The following MSANTD2 variants were observed in gnomAD, a reference collection of about 807,000 sequenced individuals.
The protein encoded by MSANTD2 is Myb/SANT DNA binding domain containing 2, also known as myb/SANT-like DNA-binding domain-containing protein 2.
MSANTD2 carries 19 observed loss-of-function variants against 52.6 expected under a neutral mutation model. The observed-to-expected ratio is 0.36, with a 90% CI of 0.25 to 0.53. The LOEUF is 0.53. MSANTD2 is among the 20% of genes least tolerant of loss of function. MSANTD2 has a pLI of 0.91. For missense variants in MSANTD2, 558 were observed against 716.3 expected (o/e 0.78, Z 2.52); for synonymous variants, 291 against 289.7 (o/e 1.00, Z -0.04).
Position 124,767,760 on chromosome 11 carries a change from T to G in MSANTD2, c.1096A>C (p.Met366Leu). 1 of 1,614,248 alleles carries G rather than the reference T, an allele frequency of 6.2e-7. No homozygotes were observed. The highest frequency in any genetic ancestry group is 8.5e-7 in the Non-Finnish European group (1 of 1,180,042). Reference sequence around the variant, plus strand: ...TTGTAGTAAACATTTTTCCAGTTCATTTTCTGCACTCGGGTCATAATGATC... The same window carrying G: ...TTGTAGTAAACATTTTTCCAGTTCAGTTTCTGCACTCGGGTCATAATGATC... The part of the protein sequence containing the change: ...GRIIMTRVQK[M>L]NWKNVYYKFL... The change falls in exon 4 of 4, where the codon ATG (methionine) becomes CTG (leucine). Residue 366 changes from methionine to leucine, a missense_variant. Met to Leu is a conservative substitution (Grantham distance 15, BLOSUM62 2). Transcript: ENST00000374979. This position sits in a 1 kb window ranked among gnomAD's most constrained non-coding sequence, Gnocchi z 6.5.
At position 124,772,723 on chromosome 11, in the gene MSANTD2, C is replaced by A. The variant is rs996185748; in HGVS notation, c.827+271G>T. ...CTGCACACCAGCCTGGGTGACAGAG[C>A]GAGAGCGAGATTCCGTCTCAAAAAA... On this transcript the variant is annotated intron_variant, in intron 3 of 3. Transcript: ENST00000374979. Among the ~76,000 whole-genome samples the A allele has an allele frequency of 6.8e-5, 8 of 118,282 alleles. No individual in the cohort carries two copies. In the Admixed American group the frequency reaches 1.0e-3, roughly 15 times the overall value. The allele number at this position is 118,282 out of a possible 152,430, so 77.6% of individuals were successfully genotyped here.
At chr11:124,778,215 C>T (rs1321319708) in intron 1 of MSANTD2, among the ~76,000 whole-genome samples, 1 of 152,170 alleles carries the variant, frequency 6.6e-6, no homozygotes, top group Non-Finnish European at 1.5e-5. Flanking sequence ...CCAACAAGAA[C>T]CTCAATTTGG....
intron 1 of MSANTD2, among the ~76,000 whole-genome samples, chr11:124,797,667 G>C (rs1591481508): frequency 6.6e-6 from 1 of 152,252 alleles, no homozygotes; most frequent in East Asian, 1.9e-4. Context: ...ATCACATAAA[G>C]AGTAGAGCAC....
chr11:124,773,468 G>A (rs773636508), intron 2 of MSANTD2: 2 of 163,024 alleles, frequency 1.2e-5, no homozygotes, highest in Non-Finnish European at 2.6e-5. Context: ...AAAGGTTTGA[G>A]TGACTTAACT....
intron 1 of MSANTD2, among the ~76,000 whole-genome samples, chr11:124,795,784 T>A (rs916764493): frequency 6.6e-6 from 1 of 152,160 alleles, no homozygotes; most frequent in Non-Finnish European, 1.5e-5. Flanking sequence ...TGACTGGAGA[T>A]ATGAAAAGGC....
In MSANTD2 at chr11:124,799,345, A is replaced by C. The variant is rs188953904; in HGVS notation, c.510+526T>G. 2.0e-3 allele frequency among the ~76,000 whole-genome samples: 301 copies of C among 152,338 alleles called. 2 individuals are homozygous for C. The highest frequency in any genetic ancestry group is 6.8e-3 in the Middle Eastern group (2 of 294). On this transcript the variant is annotated intron_variant, in intron 1 of 3. Transcript: ENST00000374979. ...AGTCTTACTCGTCCTTCGTAGCTCA[A>C]GATAGAAGCAAAGCGACTGACACAA...
intron 1 of MSANTD2, 70 bp downstream of exon 1, chr11:124,799,801 G>A (rs1295193880): frequency 2.5e-6 from 3 of 1,215,310 alleles, no homozygotes; most frequent in African/African-American, 1.6e-5. Context: ...ACCGGCCCCC[G>A]CCCCCGAGGC....
chr11:124,784,039 T>C, intron 1 of MSANTD2: 1 of 985,024 alleles, frequency 1.0e-6, no homozygotes, highest in Non-Finnish European at 1.2e-6. Context: ...AGAATACAGG[T>C]CAAAAAAGTA....
intron 3 of MSANTD2, among the ~76,000 whole-genome samples, chr11:124,772,077 A>C (rs1944544456): frequency 6.6e-6 from 1 of 152,216 alleles, no homozygotes; most frequent in Non-Finnish European, 1.5e-5. Flanking sequence ...ACAAAAGATA[A>C]TGCTAAACTC....
intron 1 of MSANTD2, among the ~76,000 whole-genome samples, chr11:124,788,482 AT>A (rs371094099): frequency 3.3e-5 from 5 of 152,244 alleles, no homozygotes; most frequent in Admixed American, 6.5e-5. Flanking sequence ...TTTTTTCCTG[AT>A]TTTTCCTCTT....
In MSANTD2 at chr11:124,798,234, T is replaced by TAAAAAAAAAAA. The variant is rs10601418; in HGVS notation, c.510+1626_510+1636dup. 7.0e-3 allele frequency among the ~76,000 whole-genome samples: 778 copies of TAAAAAAAAAAA among 110,406 alleles called. 11 individuals carry two copies. Among genetic ancestry groups the TAAAAAAAAAAA allele is most frequent in the African/African-American group, 0.015 (371 of 24,826 alleles). The allele number at this position is 110,406 out of a possible 152,430, so 72.4% of individuals were successfully genotyped here. A position where few individuals can be genotyped will look rare whatever the true frequency, so the allele number is the denominator to read the frequency against. On this transcript the variant is annotated intron_variant, in intron 1 of 3. Coordinates refer to ENST00000374979, the MANE Select transcript of MSANTD2 (RefSeq NM_001308027.2). ...GAGCAACGTAGAAGACCCTGTCTCT[T>TAAAAAAAAAAA]AAAAAAAAAAAAAAAAAAAAAAAAA... is the stretch of plus-strand genomic sequence containing the variant.
In MSANTD2 at chr11:124,779,348, CCTGGT is replaced by C. The variant is rs1345331784; in HGVS notation, c.511-4379_511-4375del. Among the ~76,000 whole-genome samples the C allele has an allele frequency of 9.2e-5, 14 of 152,132 alleles. No homozygotes were observed. The highest frequency in any genetic ancestry group is 2.1e-4 in the Non-Finnish European group (14 of 67,986). On this transcript the variant is annotated intron_variant, in intron 1 of 3. Transcript: ENST00000374979. This position sits in a 1 kb window ranked among gnomAD's most constrained non-coding sequence, Gnocchi z 4.6. ...GGAAATGGGAAGAATTAAATTCTTC[CCTGGT>C]AGGGCAAAGTAGAAAACAAACTAAA...
At chr11:124,784,519 T>C in intron 1 of MSANTD2, 1 of 983,606 alleles carries the variant, frequency 1.0e-6, no homozygotes, top group South Asian at 4.7e-5. Context: ...GCACACAGCT[T>C]TACCATTACA....
rs553839715 is a variant in MSANTD2, at chr11:124,772,610, G to A, written c.827+384C>T. On this transcript the variant is annotated intron_variant, in intron 3 of 3. Transcript: ENST00000374979. ...AAATTAGCCGGGCGTGGTGGCGGGC[G>A]CCTGTAGTCCCAGCTACGCTGGAGG... Among the ~76,000 whole-genome samples the A allele has an allele frequency of 1.2e-4, 18 of 152,076 alleles. 1 individual carries two copies. Among genetic ancestry groups the A allele is most frequent in the Admixed American group, 8.5e-4 (13 of 15,270 alleles).
At position 124,767,112 on chromosome 11, in the gene MSANTD2, C is replaced by G; in HGVS notation, c.*64G>C. 1 of 1,489,194 alleles carries G rather than the reference C, an allele frequency of 6.7e-7. No homozygotes were observed. The highest frequency in any genetic ancestry group is 9.0e-7 in the Non-Finnish European group (1 of 1,109,294). The allele number at this position is 1,489,194 out of a possible 1,614,324, so 92.2% of individuals were successfully genotyped here. On this transcript the variant is annotated 3_prime_UTR_variant, in exon 4 of 4. Transcript: ENST00000374979. The surrounding 1 kb of genome is among the most constrained non-coding windows in gnomAD (Gnocchi z 6.5). ...GGCGGCATCTGGATGAGGGGTGGTCCGGGTAATGGGAAGTGAGTAGAGAAG... is the reference window on the plus strand; with the variant it reads ...GGCGGCATCTGGATGAGGGGTGGTCGGGGTAATGGGAAGTGAGTAGAGAAG...
At chr11:124,791,477 G>A in intron 1 of MSANTD2, 1 of 1,133,136 alleles carries the variant, frequency 8.8e-7, no homozygotes, top group Non-Finnish European at 1.3e-6. Flanking sequence ...GGTCAGGCGA[G>A]TCACTCTCCT....
intron 1 of MSANTD2, among the ~76,000 whole-genome samples, chr11:124,776,722 G>A (rs1944760195): frequency 6.6e-6 from 1 of 152,170 alleles, no homozygotes; most frequent in Non-Finnish European, 1.5e-5. Context: ...CACGACATGT[G>A]TGATGATCTT....
chr11:124,768,965 T>A (rs921966679), intron 3 of MSANTD2, among the ~76,000 whole-genome samples: 1 of 152,268 alleles, frequency 6.6e-6, no homozygotes, highest in African/African-American at 2.4e-5. Flanking sequence ...GAAGATTGGT[T>A]CGTTAAATAT....
At chr11:124,769,877 C>T (rs141444699) in intron 3 of MSANTD2, among the ~76,000 whole-genome samples, 2 of 152,322 alleles carry the variant, frequency 1.3e-5, no homozygotes, top group African/African-American at 4.8e-5. Context: ...AGATCTTGTT[C>T]AGAATCTCTC....
Sources: gnomAD v4.1 joint callset for allele counts (sites outside exome capture counted in the v4.1 genomes callset) on GRCh38, gnomAD v4.1.1 for gene constraint, Gnocchi (gnomAD v3.1) non-coding constraint, MANE v1.5 for transcripts, NCBI Gene and HGNC (gene_info 2026-07-23, HGNC 2026-07-21) for gene names.